Variants in NCOR1 observed in about 807,000 individuals in gnomAD.
NCOR1 encodes nuclear receptor corepressor 1, also known as protein phosphatase 1, regulatory subunit 109.
Under a neutral mutation model 288.1 loss-of-function variants are expected in NCOR1, and 63 were observed. That is an observed-to-expected ratio of 0.22 (90% CI 0.18 to 0.27). NCOR1 has a LOEUF of 0.27. NCOR1 is among the 10% of genes least tolerant of loss of function. NCOR1 has a pLI of 1.00. For missense variants in NCOR1, 2,397 were observed against 3,019.2 expected, an observed-to-expected ratio of 0.79 and a Z score of 4.83; for synonymous variants, 1,007 against 1,065.9, an observed-to-expected ratio of 0.94 and a Z score of 1.08.
At chr17:16,197,634 G>GA (rs1279592423) in intron 1 of NCOR1, among the ~76,000 whole-genome samples, 4 of 152,118 alleles carry the variant, frequency 2.6e-5, no homozygotes, top group Non-Finnish European at 5.9e-5. Flanking sequence ...GGCAAAATGG[G>GA]AAAAACTAAT....
At chr17:16,085,013 CAAAA>C (rs1336817001) in intron 23 of NCOR1, among the ~76,000 whole-genome samples, 1 of 151,918 alleles carries the variant, frequency 6.6e-6, no homozygotes, top group Admixed American at 6.6e-5. Flanking sequence ...AATAAACAGA[CAAAA>C]AACAGAGAAA....
chr17:16,088,705 T>C (rs1325400492), intron 22 of NCOR1, among the ~76,000 whole-genome samples: 1 of 152,190 alleles, frequency 6.6e-6, no homozygotes, highest in Non-Finnish European at 1.5e-5. Flanking sequence ...TCAAGACCAA[T>C]GTGATTATTA....
intron 14 of NCOR1, among the ~76,000 whole-genome samples, chr17:16,131,052 G>C (rs1006955520): frequency 2.1e-5 from 3 of 141,708 alleles, no homozygotes; most frequent in Non-Finnish European, 4.6e-5. Context: ...GCAGTGGCGT[G>C]ATCACGGATC....
At chr17:16,044,795 C>A in intron 42 of NCOR1, 1 of 1,117,270 alleles carries the variant, frequency 9.0e-7, no homozygotes, top group Non-Finnish European at 1.4e-6. Context: ...CATTGGGAGC[C>A]TCATCTACAA....
intron 27 of NCOR1, 113 bp downstream of exon 27, chr17:16,075,421 T>G: frequency 8.5e-7 from 1 of 1,180,318 alleles, no homozygotes; most frequent in Non-Finnish European, 1.2e-6. Flanking sequence ...AGAGAAAACA[T>G]AGGCTCAGCA....
intron 3 of NCOR1, among the ~76,000 whole-genome samples, chr17:16,185,968 T>G (rs1449181843): frequency 6.6e-6 from 1 of 151,756 alleles, no homozygotes; most frequent in Non-Finnish European, 1.5e-5. Flanking sequence ...CAAACAAAAC[T>G]TTCAGAATGA....
At chr17:16,102,267 A>C (rs1471747216) in intron 19 of NCOR1, among the ~76,000 whole-genome samples, 1 of 152,082 alleles carries the variant, frequency 6.6e-6, no homozygotes, top group East Asian at 1.9e-4. Context: ...TGGTCAAATA[A>C]TTTAAACTTT....
chr17:16,071,975 T>C (rs893114667), intron 29 of NCOR1, among the ~76,000 whole-genome samples, 170 bp downstream of exon 29: 10 of 152,182 alleles, frequency 6.6e-5, no homozygotes, highest in Non-Finnish European at 1.0e-4. Flanking sequence ...TAAGCAACTA[T>C]CATCTTCCAA....
intron 34 of NCOR1, 44 bp from the exon 35 acceptor site, chr17:16,064,231 G>T: frequency 1.3e-6 from 2 of 1,584,558 alleles, no homozygotes; most frequent in South Asian, 2.3e-5. Context: ...AATATCAACT[G>T]ACTGAGTATA....
At chr17:16,180,737 G>A (rs1335057649) in intron 3 of NCOR1, among the ~76,000 whole-genome samples, 2 of 151,982 alleles carry the variant, frequency 1.3e-5, no homozygotes, top group African/African-American at 4.8e-5. Flanking sequence ...GGCAGAGCAA[G>A]ACCCTATCTC....
chr17:16,193,667 A>G (rs1359982394), intron 2 of NCOR1, among the ~76,000 whole-genome samples: 1 of 152,240 alleles, frequency 6.6e-6, no homozygotes, highest in African/African-American at 2.4e-5. Context: ...AGGAACAGAA[A>G]GCAACCTCTT....
At chr17:16,166,778 A>C (rs2082105433) in intron 4 of NCOR1, among the ~76,000 whole-genome samples, 2 of 152,102 alleles carry the variant, frequency 1.3e-5, no homozygotes, top group African/African-American at 4.8e-5. Flanking sequence ...AAAAAAATAC[A>C]AGAAAATTTG....
intron 23 of NCOR1, 136 bp from the exon 24 acceptor site, chr17:16,080,863 T>C (rs1054222655): frequency 3.5e-6 from 3 of 869,264 alleles, no homozygotes; most frequent in Non-Finnish European, 5.0e-6. Context: ...AAACCAAGAA[T>C]AGTTTTTGTA....
At chr17:16,138,407 G>A (rs900072594) in intron 12 of NCOR1, among the ~76,000 whole-genome samples, 195 bp from the exon 13 acceptor site, 2 of 152,058 alleles carry the variant, frequency 1.3e-5, no homozygotes, top group African/African-American at 2.4e-5. Flanking sequence ...CAATATGGCA[G>A]AACCCCATCT....
chr17:16,159,542 ACT>A (rs1434459173), intron 5 of NCOR1, among the ~76,000 whole-genome samples: 1 of 151,962 alleles, frequency 6.6e-6, no homozygotes, highest in Non-Finnish European at 1.5e-5. Flanking sequence ...CTGAAAAAAC[ACT>A]CTTATATGTT....
chr17:16,029,373 TAAAATCGTGTCATTAA>T lies in NCOR1; in HGVS notation c.*2907_*2922del, dbSNP rs1446436979. The T allele has an allele frequency of 2.9e-6, 1 of 350,210 alleles. No homozygotes were observed. 21.7% of individuals were successfully genotyped at this position (350,210 alleles called of 1,614,324 possible). On this transcript the variant is annotated 3_prime_UTR_variant, in exon 46 of 46. Transcript: ENST00000268712. ...GGTCTAAATTCAAAAGTGAATTGGT[TAAAATCGTGTCATTAA>T]AATTTTTTAACTGTCCAATGGTCAC... is the stretch of plus-strand genomic sequence containing the variant.
intron 27 of NCOR1, 110 bp from the exon 28 acceptor site, chr17:16,073,679 G>A (rs1392952570): frequency 2.2e-6 from 2 of 903,004 alleles, no homozygotes; most frequent in East Asian, 6.5e-5. Context: ...ATTAAAACTT[G>A]TCTTAACCTA....
chr17:16,146,483 T>C lies in NCOR1; in HGVS notation c.975A>G (p.Ile325Met), dbSNP rs753456754. The change falls in exon 10 of 46, where the codon ATA becomes ATG. Residue 325 changes from isoleucine (I) to methionine (M), a missense_variant. Coordinates refer to ENST00000268712, the MANE Select transcript of NCOR1 (RefSeq NM_006311.4). ...TAGCTTTCCTCCGAGGATTATTTTC[T>C]ATTCTGTCCACTTTTTTCTCCCATG... is the stretch of plus-strand genomic sequence containing the variant. Reference protein sequence around the residue: ...MEAWEKKVDRIENNPRRKAKE... With the variant: ...MEAWEKKVDRMENNPRRKAKE... The C allele has an allele frequency of 3.1e-6, 5 of 1,613,678 alleles. No individual in the cohort carries two copies. In the East Asian group the frequency reaches 1.1e-4, roughly 36 times the overall value.
chr17:16,124,722 T>C (rs2073690344), intron 15 of NCOR1, among the ~76,000 whole-genome samples: 1 of 152,224 alleles, frequency 6.6e-6, no homozygotes, highest in African/African-American at 2.4e-5. Flanking sequence ...TGTAATTTTA[T>C]AACTAAGAAA....
Sources: allele counts gnomAD v4.1 joint callset (sites outside exome capture counted in the v4.1 genomes callset), GRCh38; gene constraint gnomAD v4.1.1; transcripts MANE v1.5; gene names NCBI Gene and HGNC (gene_info 2026-07-23, HGNC 2026-07-21).